Variants in RASSF5 observed in about 807,000 individuals in gnomAD.
The protein encoded by RASSF5 is Ras association domain family member 5.
RASSF5 carries 25 observed loss-of-function variants against 40.5 expected under a neutral mutation model. That is an observed-to-expected ratio of 0.62 (90% CI 0.45 to 0.86). The LOEUF (loss-of-function observed/expected upper bound fraction) is 0.86. Among genes scored for constraint, RASSF5 ranks in the 40% least tolerant of loss-of-function variants. The pLI is 0.00. For missense variants in RASSF5, 521 were observed against 572.8 expected (o/e 0.91, Z 0.92); for synonymous variants, 246 against 252.4 (o/e 0.97, Z 0.24).
intron 1 of RASSF5, among the ~76,000 whole-genome samples, chr1:206,530,876 C>T (rs1667222921): frequency 6.6e-6 from 1 of 152,190 alleles, no homozygotes; most frequent in South Asian, 2.1e-4. Context: ...GATGCACCTC[C>T]AGGTGAAGGT....
Position 206,513,592 on chromosome 1 carries a change from G to A in RASSF5, c.457+5533G>A, listed in dbSNP as rs889495957. ...CTGACTCTGGGCACCTGCCCCTCCC[G>A]CAGGGCTCTGTTCTGACTCTCCATG... On this transcript the variant is annotated intron_variant, in intron 1 of 5. Coordinates refer to ENST00000579436, the MANE Select transcript of RASSF5 (RefSeq NM_182663.4). This position sits in a 1 kb window ranked among gnomAD's most constrained non-coding sequence, Gnocchi z 5.0. 2.0e-5 allele frequency among the ~76,000 whole-genome samples: 3 copies of A among 152,208 alleles called. No individual in the cohort carries two copies. The highest frequency in any genetic ancestry group is 1.3e-4 in the Admixed American group (2 of 15,286).
At chr1:206,522,077 G>A (rs570604834) in intron 1 of RASSF5, among the ~76,000 whole-genome samples, 3 of 151,514 alleles carry the variant, frequency 2.0e-5, no homozygotes, top group Admixed American at 1.3e-4. Context: ...CTTTTTTCCC[G>A]TGGTGATGAT....
chr1:206,510,802 G>T (rs1162363933), intron 1 of RASSF5, among the ~76,000 whole-genome samples: 1 of 152,170 alleles, frequency 6.6e-6, no homozygotes, highest in African/African-American at 2.4e-5. Context: ...CAGAGTGCCA[G>T]GCCCAGAGCA....
chr1:206,539,676 C>G (rs114246837), intron 2 of RASSF5, among the ~76,000 whole-genome samples: 192 of 152,186 alleles, frequency 1.3e-3, no homozygotes, highest in African/African-American at 4.2e-3. Flanking sequence ...CTTGGAAGGG[C>G]CTTACCCTTA....
intron 2 of RASSF5, among the ~76,000 whole-genome samples, chr1:206,558,751 T>C (rs1420423931): frequency 1.3e-5 from 2 of 152,230 alleles, no homozygotes; most frequent in African/African-American, 4.8e-5. Flanking sequence ...ATTGTGATTT[T>C]ATGTTTGAAG....
intron 2 of RASSF5, chr1:206,557,376 G>C: frequency 3.0e-6 from 4 of 1,343,984 alleles, no homozygotes; most frequent in Non-Finnish European, 3.8e-6. Flanking sequence ...CCGCCCGAGC[G>C]CTCGCACCCC....
intron 2 of RASSF5, among the ~76,000 whole-genome samples, chr1:206,562,708 G>A (rs113021654): frequency 5.3e-5 from 8 of 152,074 alleles, no homozygotes; most frequent in African/African-American, 1.4e-4. Flanking sequence ...CGAGACGGGC[G>A]GATCACGAGG....
intron 2 of RASSF5, 54 bp downstream of exon 2, chr1:206,538,347 G>A (rs782586776): frequency 1.7e-5 from 27 of 1,603,386 alleles, no homozygotes; most frequent in Non-Finnish European, 2.2e-5. Context: ...AGGTGCCCCG[G>A]GCTCCACTTT....
At chr1:206,517,858 A>G (rs1553395611) in intron 1 of RASSF5, among the ~76,000 whole-genome samples, 1 of 152,066 alleles carries the variant, frequency 6.6e-6, no homozygotes, top group African/African-American at 2.4e-5. Flanking sequence ...GACCCTCTTA[A>G]AGCAACACCA....
chr1:206,549,112 C>T (rs1360309634), intron 2 of RASSF5, among the ~76,000 whole-genome samples: 1 of 112,102 alleles, frequency 8.9e-6, no homozygotes, highest in Non-Finnish European at 2.0e-5. Context: ...GTGATCCACC[C>T]ACCTTGGCCT....
intron 1 of RASSF5, among the ~76,000 whole-genome samples, chr1:206,530,060 G>C (rs1485779146): frequency 1.3e-5 from 2 of 152,222 alleles, no homozygotes; most frequent in Non-Finnish European, 1.5e-5. Flanking sequence ...TGTCATCACA[G>C]TGTGGGTACG....
chr1:206,548,706 G>A lies in RASSF5; in HGVS notation c.579+10413G>A, dbSNP rs73079087. 9.2e-3 allele frequency among the ~76,000 whole-genome samples: 1,395 copies of A among 152,142 alleles called. 15 individuals carry two copies. Among genetic ancestry groups the A allele is most frequent in the African/African-American group, 0.029 (1,194 of 41,490 alleles). ...GGATCTGTGGATTTATAGTTTTCAC[G>A]AAAATTGGAAAAATTGGGGGCATTA... On this transcript the variant is annotated intron_variant, in intron 2 of 5. Coordinates refer to ENST00000579436, the MANE Select transcript of RASSF5 (RefSeq NM_182663.4).
intron 1 of RASSF5, among the ~76,000 whole-genome samples, chr1:206,530,053 C>A (rs982759659): frequency 2.0e-5 from 3 of 152,172 alleles, no homozygotes; most frequent in African/African-American, 7.2e-5. Context: ...TACCTGATGT[C>A]ATCACAGTGT....
intron 2 of RASSF5, among the ~76,000 whole-genome samples, chr1:206,563,332 A>G (rs76949457): frequency 0.024 from 3,604 of 152,216 alleles, 132 homozygotes; most frequent in African/African-American, 0.082. Flanking sequence ...GCACCTGGGA[A>G]GCTCTGCTCA....
At chr1:206,514,223 G>A (rs1252446576) in intron 1 of RASSF5, among the ~76,000 whole-genome samples, 4 of 152,214 alleles carry the variant, frequency 2.6e-5, no homozygotes, top group African/African-American at 9.6e-5. Context: ...CATAGCATGT[G>A]TCCAGCCTCC....
intron 1 of RASSF5, chr1:206,529,626 G>A: frequency 1.3e-6 from 1 of 765,988 alleles, no homozygotes; most frequent in South Asian, 1.3e-5. Flanking sequence ...GGGCGGCAAT[G>A]TCCTGGGTCC....
At chr1:206,545,778 A>G (rs955610216) in intron 2 of RASSF5, among the ~76,000 whole-genome samples, 11 of 152,068 alleles carry the variant, frequency 7.2e-5, no homozygotes, top group African/African-American at 2.2e-4. Context: ...TACCATTAGC[A>G]TGGCATTCCC....
rs1169220169 is a variant in RASSF5, at chr1:206,507,719, C to A, written c.117C>A (p.Asp39Glu). 3 of 1,486,116 alleles carry A rather than the reference C, an allele frequency of 2.0e-6. No individual in the cohort carries two copies. The highest frequency in any genetic ancestry group is 3.0e-5 in the East Asian group (1 of 33,420). The allele number at this position is 1,486,116 out of a possible 1,614,324, so 92.1% of individuals were successfully genotyped here. A position where few individuals can be genotyped will look rare whatever the true frequency, so the allele number is the denominator to read the frequency against. Residue 39 changes from aspartate (D) to glutamate (E), a missense_variant, in exon 1 of 6, where the codon GAC becomes GAA. Physicochemically the swap from Asp to Glu is conservative, Grantham distance 45 (BLOSUM62 2). Coordinates refer to ENST00000579436, the MANE Select transcript of RASSF5 (RefSeq NM_182663.4). Reference sequence around the variant, plus strand: ...CCGAGCTACCGCCGCCGCCCCCCGACCGGTCCTCGCGCCTCTGTGTCCCGG... The same window carrying A: ...CCGAGCTACCGCCGCCGCCCCCCGAACGGTCCTCGCGCCTCTGTGTCCCGG... ...SGPELPPPPP[D>E]RSSRLCVPAP...
At chr1:206,538,046 C>G in intron 1 of RASSF5, 126 bp from the exon 2 acceptor site, 1 of 1,356,588 alleles carries the variant, frequency 7.4e-7, no homozygotes, top group East Asian at 2.3e-5. Context: ...TCTCCCGCCC[C>G]ACCACTTCTC....
Sources: allele counts gnomAD v4.1 joint callset (sites outside exome capture counted in the v4.1 genomes callset), GRCh38; gene constraint gnomAD v4.1.1; non-coding constraint Gnocchi (gnomAD v3.1); transcripts MANE v1.5; gene names NCBI Gene and HGNC (gene_info 2026-07-23, HGNC 2026-07-21).